The following GPR108 variants were observed in gnomAD, a reference collection of about 807,000 sequenced individuals.
GPR108 encodes protein GPR108.
In GPR108, 60 loss-of-function variants were observed where a neutral mutation model predicts 74.3. That is an observed-to-expected ratio of 0.81 (90% CI 0.66 to 1.00). The LOEUF is 1.00. Among genes scored for constraint, GPR108 ranks in the 50% least tolerant of loss-of-function variants. The probability of loss-of-function intolerance (pLI) is 0.00; values close to 1 mark genes in which losing one functional copy is unlikely to be tolerated. For synonymous variants in GPR108, 311 were observed against 292.4 expected, an observed-to-expected ratio of 1.06 and a Z score of -0.65; for missense variants, 667 against 703.3, an observed-to-expected ratio of 0.95 and a Z score of 0.58.
chr19:6,737,362 G>T, intron 1 of GPR108, 95 bp downstream of exon 1: 1 of 1,397,136 alleles, frequency 7.2e-7, no homozygotes, highest in South Asian at 1.4e-5. Flanking sequence ...CCGCCTCGGG[G>T]ACGGGGGAGG....
In GPR108 at chr19:6,731,196, C is replaced by T; in HGVS notation, c.1434+3G>A. 4 of 1,593,220 alleles carry T rather than the reference C, an allele frequency of 2.5e-6. No homozygotes were observed. Among genetic ancestry groups the T allele is most frequent in the Non-Finnish European group, 3.4e-6 (4 of 1,167,254 alleles). On this transcript the variant is annotated splice_donor_region_variant and intron_variant, in intron 16 of 17. Transcript: ENST00000264080. The stretch of plus-strand genomic sequence containing the variant: ...TCCCGTCCCACCTGGGCCTCGGGCT[C>T]ACCTGGTACAGCCACTGCCACTGAA...
At chr19:6,735,867 C>G (rs749772129) in intron 3 of GPR108, 41 bp downstream of exon 3, 1 of 1,598,126 alleles carries the variant, frequency 6.3e-7, no homozygotes, top group Non-Finnish European at 8.5e-7. Flanking sequence ...TACCCCCTCC[C>G]TCCAGCCCCT....
In GPR108 at chr19:6,732,987, G is replaced by A. The variant is rs773536585; in HGVS notation, c.933C>T (p.Ser311=). ...CTGCTCCCCGGTCCAAGGCTCTCAC[G>A]CTGTGGAAGAGGAGAGAGATGCTCT... ...FTKSISLLFH[S]INYYFINSQG... is the part of the protein sequence containing the mutation. Residue 311 remains serine (S), a splice_region_variant and synonymous_variant, in exon 10 of 18, where the codon AGC becomes AGT. Coordinates refer to ENST00000264080, the MANE Select transcript of GPR108 (RefSeq NM_001080452.2). 8.2e-6 allele frequency: 13 copies of A among 1,591,610 alleles called. No individual in the cohort carries two copies. Among genetic ancestry groups the A allele is most frequent in the Admixed American group, 3.6e-5 (2 of 55,566 alleles).
chr19:6,731,460 G>C lies in GPR108; in HGVS notation c.1350+13C>G, dbSNP rs1177442997. 1.3e-6 allele frequency: 2 copies of C among 1,534,486 alleles called. No homozygotes were observed. The highest frequency in any genetic ancestry group is 1.8e-6 in the Non-Finnish European group (2 of 1,142,340). ...ATCCCCCCAAACCCGCTGTGAGTGA[G>C]GCGGGCTCCTACCATGACATAGTAA... On this transcript the variant is annotated intron_variant, in intron 15 of 17. Coordinates refer to ENST00000264080, the MANE Select transcript of GPR108 (RefSeq NM_001080452.2).
chr19:6,731,761 T>C, intron 14 of GPR108, 130 bp downstream of exon 14: 1 of 1,091,162 alleles, frequency 9.2e-7, no homozygotes, highest in East Asian at 2.5e-5. Context: ...GAGGCCAGAC[T>C]GGGGCATCCA....
At position 6,733,846 on chromosome 19, in the gene GPR108, C is replaced by G; in HGVS notation, c.617G>C (p.Ser206Thr). The G allele has an allele frequency of 6.2e-7, 1 of 1,614,094 alleles. No individual in the cohort carries two copies. Among genetic ancestry groups the G allele is most frequent in the Non-Finnish European group, 8.5e-7 (1 of 1,179,936 alleles). ...LSHLNNSYNFSFHVVIGSQAE... is the reference protein window; with the variant it reads ...LSHLNNSYNFTFHVVIGSQAE... ...GCCGCAGGCGCTGCAAACACTCACACTGAAGTTGTAGGAGTTGTTGAGGTG... is the reference window on the plus strand; with the variant it reads ...GCCGCAGGCGCTGCAAACACTCACAGTGAAGTTGTAGGAGTTGTTGAGGTG... The change falls in exon 7 of 18, where the codon AGT becomes ACT. Residue 206 changes from serine (S) to threonine (T), a missense_variant and splice_region_variant. Transcript: ENST00000264080.
Position 6,732,400 on chromosome 19 carries a change from C to T in GPR108, c.1008-20G>A, listed in dbSNP as rs756351679. 11 of 1,612,192 alleles carry T rather than the reference C, an allele frequency of 6.8e-6. No homozygotes were observed. The highest frequency in any genetic ancestry group is 2.2e-5 in the East Asian group (1 of 44,874). The stretch of plus-strand genomic sequence containing the variant: ...TTCAGCCTGAAGGAGCAGGGGAGGG[C>T]GTGATGATGAGGTGGGGGGCCAACC... On this transcript the variant is annotated intron_variant, in intron 11 of 17. Transcript: ENST00000264080.
At chr19:6,736,868 C>T in intron 1 of GPR108, 157 bp from the exon 2 acceptor site, 2 of 983,790 alleles carry the variant, frequency 2.0e-6, no homozygotes, top group South Asian at 3.2e-5. Context: ...GACTTCCTCC[C>T]TGCAGGGGAA....
rs936353765 is a variant in GPR108, at chr19:6,730,337, G to A, written c.1607C>T (p.Thr536Ile). Reference protein sequence around the residue: ...FREGLSKVNKTASGRELL With the variant: ...FREGLSKVNKIASGRELL The stretch of plus-strand genomic sequence containing the variant: ...TCATAACAGTTCCCGCCCGCTGGCT[G>A]TTTTGTTGACTTTGGAGAGGCCTTC... Residue 536 changes from threonine (T) to isoleucine (I), a missense_variant, in exon 18 of 18, where the codon ACA becomes ATA. Transcript: ENST00000264080. The A allele has an allele frequency of 3.1e-6, 5 of 1,613,708 alleles. No individual in the cohort carries two copies. In the South Asian group the frequency reaches 3.3e-5, roughly 11 times the overall value.
In GPR108 at chr19:6,732,483, C is replaced by A; in HGVS notation, c.1000G>T (p.Ala334Ser). 1 of 1,613,606 alleles carries A rather than the reference C, an allele frequency of 6.2e-7. No individual in the cohort carries two copies. The highest frequency in any genetic ancestry group is 8.5e-7 in the Non-Finnish European group (1 of 1,179,864). Residue 334 changes from alanine to serine, a missense_variant, in exon 11 of 18, where the codon GCA (alanine) becomes TCA (serine). Transcript: ENST00000264080. ...AGAGTGGGGGACACTCACAGGTGTG[C>A]GATGTAGTACATGACGGCAAGGCCT... ...IEGLAVMYYI[A>S]HLLKGALLFI...
intron 14 of GPR108, 69 bp downstream of exon 14, chr19:6,731,822 G>A: frequency 6.4e-7 from 1 of 1,569,664 alleles, no homozygotes; most frequent in Non-Finnish European, 8.7e-7. Context: ...GGGCATCCAA[G>A]GGGCAGAAAG....
Position 6,731,217 on chromosome 19 carries a change from C to A in GPR108, c.1416G>T (p.Gln472His). The change falls in exon 16 of 18, where the codon CAG becomes CAT. Residue 472 changes from glutamine (Q) to histidine (H), a missense_variant. Gln to His is a conservative substitution (Grantham distance 24). Transcript: ENST00000264080. ...AILLQVAVPF[Q>H]WQWLYQLLVE... ...GGCTCACCTGGTACAGCCACTGCCA[C>A]TGAAAGGGCACAGCCACCTGCAGCA... 6.3e-7 allele frequency: 1 copy of A among 1,577,950 alleles called. No individual in the cohort carries two copies. Among genetic ancestry groups the A allele is most frequent in the Non-Finnish European group, 8.6e-7 (1 of 1,159,174 alleles).
At chr19:6,731,163 G>A (rs764854414) in intron 16 of GPR108, 36 bp downstream of exon 16, 8 of 1,607,396 alleles carry the variant, frequency 5.0e-6, no homozygotes, top group Admixed American at 1.7e-5. Context: ...CCCCCACCGT[G>A]GCCGCCCTCC....
At chr19:6,734,550 C>G (rs75358926) in intron 4 of GPR108, among the ~76,000 whole-genome samples, 1 of 152,116 alleles carries the variant, frequency 6.6e-6, no homozygotes, top group African/African-American at 2.4e-5. Context: ...CTCTTTTTCT[C>G]TTTTCTTTAG....
intron 16 of GPR108, 39 bp downstream of exon 16, chr19:6,731,160 C>T (rs369553813): frequency 1.6e-4 from 255 of 1,607,386 alleles, no homozygotes; most frequent in East Asian, 4.0e-4. Context: ...CCACCCCCAC[C>T]GTGGCCGCCC....
In GPR108 at chr19:6,733,224, C is replaced by T; in HGVS notation, c.801G>A (p.Met267Ile). The T allele has an allele frequency of 6.2e-7, 1 of 1,614,032 alleles. No individual in the cohort carries two copies. The highest frequency in any genetic ancestry group is 2.2e-5 in the East Asian group (1 of 44,884). ...TGCCAGCGGCCAGGAAGCAGGCGGA[C>T]ATGACCATGTAGAGCTTGAAAAGGG... ...EMPLFKLYMV[M>I]SACFLAAGIF... Residue 267 changes from methionine to isoleucine, a missense_variant, in exon 9 of 18, where the codon ATG becomes ATA. By Grantham distance (10) the Met-to-Ile change is conservative. Coordinates refer to ENST00000264080, the MANE Select transcript of GPR108 (RefSeq NM_001080452.2).
Sources: allele counts gnomAD v4.1 joint callset (sites outside exome capture counted in the v4.1 genomes callset), GRCh38; gene constraint gnomAD v4.1.1; transcripts MANE v1.5; gene names NCBI Gene and HGNC (gene_info 2026-07-23, HGNC 2026-07-21).